Variants in KCNQ3 observed in about 807,000 individuals in gnomAD.
KCNQ3 encodes the protein potassium voltage-gated channel subfamily Q member 3.
KCNQ3 carries 30 observed loss-of-function variants against 92.5 expected under a neutral mutation model. The observed-to-expected ratio is 0.32, with a 90% CI of 0.24 to 0.44. KCNQ3 has a LOEUF of 0.44. Among genes scored for constraint, KCNQ3 ranks in the 20% least tolerant of loss-of-function variants. The probability of loss-of-function intolerance (pLI) is 1.00; values close to 1 mark genes in which losing one functional copy is unlikely to be tolerated. For missense variants in KCNQ3, 913 were observed against 1,140.3 expected, an observed-to-expected ratio of 0.80 and a Z score of 2.87; for synonymous variants, 450 against 468.8, an observed-to-expected ratio of 0.96 and a Z score of 0.52.
chr8:132,306,364 A>C (rs2130599190), intron 1 of KCNQ3, among the ~76,000 whole-genome samples: 1 of 152,326 alleles, frequency 6.6e-6, no homozygotes, highest in South Asian at 2.1e-4. Flanking sequence ...CCCTCTAAGA[A>C]AAACTTGGCC....
intron 1 of KCNQ3, among the ~76,000 whole-genome samples, chr8:132,357,594 A>T (rs1017092551): frequency 1.1e-4 from 16 of 152,130 alleles, no homozygotes; most frequent in African/African-American, 3.9e-4. Context: ...GAGATATGGG[A>T]TGAGCGCAGG....
chr8:132,276,520 GC>G (rs2130514067), intron 1 of KCNQ3, among the ~76,000 whole-genome samples: 1 of 152,210 alleles, frequency 6.6e-6, no homozygotes, highest in Non-Finnish European at 1.5e-5. Flanking sequence ...CTCATTACCT[GC>G]CCCCACCCCC....
rs1353846300 is a variant in KCNQ3, at chr8:132,323,229, G to A, written c.387-137048C>T. Among the ~76,000 whole-genome samples, 4 of 152,192 alleles carry A rather than the reference G, an allele frequency of 2.6e-5. No individual in the cohort carries two copies. The East Asian group carries it at 7.7e-4, about 29-fold the overall frequency. ...GATTATGATCACTTAAAGATGAGCA[G>A]AGGATGAGGAAGAGATCTCCTGACC... On this transcript the variant is annotated intron_variant, in intron 1 of 14. Coordinates refer to ENST00000388996, the MANE Select transcript of KCNQ3 (RefSeq NM_004519.4).
intron 1 of KCNQ3, among the ~76,000 whole-genome samples, chr8:132,376,834 A>G (rs1216108364): frequency 6.6e-6 from 1 of 152,226 alleles, no homozygotes; most frequent in African/African-American, 2.4e-5. Context: ...AAATCAGAAG[A>G]GGAACTGGAT....
intron 9 of KCNQ3, among the ~76,000 whole-genome samples, chr8:132,159,212 A>ATTAT (rs1825907229): frequency 6.6e-6 from 1 of 152,228 alleles, no homozygotes; most frequent in South Asian, 2.1e-4. Flanking sequence ...ATGCAATATT[A>ATTAT]TTATTAGGAA....
At chr8:132,367,717 A>G (rs1207718998) in intron 1 of KCNQ3, among the ~76,000 whole-genome samples, 1 of 152,188 alleles carries the variant, frequency 6.6e-6, no homozygotes, top group African/African-American at 2.4e-5. Context: ...CTTCTGGTAG[A>G]CCTAGTGCTG....
intron 1 of KCNQ3, among the ~76,000 whole-genome samples, chr8:132,275,172 C>G (rs1816284130): frequency 6.6e-6 from 1 of 151,934 alleles, no homozygotes; most frequent in African/African-American, 2.4e-5. Context: ...TGTTTACCTC[C>G]CCAGAGAATG....
chr8:132,195,872 T>C (rs1047056582), intron 1 of KCNQ3, among the ~76,000 whole-genome samples: 3 of 152,172 alleles, frequency 2.0e-5, no homozygotes, highest in Non-Finnish European at 2.9e-5. Flanking sequence ...GCTATAGTAA[T>C]ATTAGACTTT....
chr8:132,424,340 CA>C (rs1821050933), intron 1 of KCNQ3, among the ~76,000 whole-genome samples: 1 of 152,166 alleles, frequency 6.6e-6, no homozygotes, highest in African/African-American at 2.4e-5. Flanking sequence ...TTGACAATTC[CA>C]GTCTCAACAG....
intron 1 of KCNQ3, among the ~76,000 whole-genome samples, chr8:132,335,323 G>A (rs544176132): frequency 2.6e-5 from 4 of 152,286 alleles, no homozygotes; most frequent in Admixed American, 6.5e-5. Context: ...ACAGGTGTGA[G>A]TCACCGCGCC....
chr8:132,346,037 T>A (rs1212384825), intron 1 of KCNQ3, among the ~76,000 whole-genome samples: 1 of 151,894 alleles, frequency 6.6e-6, no homozygotes, highest in East Asian at 1.9e-4. Context: ...GATGAAAAGG[T>A]CATGATGGTG....
intron 1 of KCNQ3, among the ~76,000 whole-genome samples, chr8:132,194,800 TC>T (rs1373408881): frequency 1.3e-5 from 2 of 152,210 alleles, no homozygotes; most frequent in Non-Finnish European, 2.9e-5. Flanking sequence ...TATTCTTTCA[TC>T]TAACAGAAAG....
chr8:132,364,902 G>A (rs886282629), intron 1 of KCNQ3, among the ~76,000 whole-genome samples: 1 of 152,062 alleles, frequency 6.6e-6, no homozygotes, highest in Non-Finnish European at 1.5e-5. Flanking sequence ...TGTGAAGTAG[G>A]TACTATTATT....
At chr8:132,180,381 C>A (rs753427935) in intron 3 of KCNQ3, 52 bp from the exon 4 acceptor site, 7 of 1,599,060 alleles carry the variant, frequency 4.4e-6, no homozygotes, top group South Asian at 1.1e-5. Context: ...GAAGGTCATG[C>A]GAAAGCAATG....
intron 1 of KCNQ3, among the ~76,000 whole-genome samples, chr8:132,420,902 A>G (rs1156420675): frequency 1.3e-5 from 2 of 152,208 alleles, no homozygotes; most frequent in African/African-American, 2.4e-5. Flanking sequence ...AGCACATAGT[A>G]GAGATGTAGA....
At chr8:132,393,862 T>C (rs1820115275) in intron 1 of KCNQ3, among the ~76,000 whole-genome samples, 1 of 152,184 alleles carries the variant, frequency 6.6e-6, no homozygotes, top group African/African-American at 2.4e-5. Flanking sequence ...CCAGTCTTGT[T>C]GCATGCTCTA....
chr8:132,132,094 A>C, intron 14 of KCNQ3, 86 bp downstream of exon 14: 1 of 1,003,256 alleles, frequency 1.0e-6, no homozygotes, highest in Non-Finnish European at 1.6e-6. Context: ...TCTTAAAAAA[A>C]AAAAAGAAAG....
rs765545987 is a variant in KCNQ3 at position 132,180,190 on chromosome 8, C to T, written c.744G>A (p.Lys248=). ...LRMDRRGGTW[K]LLGSAICAHS... is the part of the protein sequence containing the mutation. ...GGGCACAGATGGCTGAGCCCAGAAG[C>T]TTCCAGGTGCCACCTCTCCGGTCCA... Residue 248 remains lysine (K), a synonymous_variant, in exon 4 of 15, where the codon AAG becomes AAA. Transcript: ENST00000388996. The T allele has an allele frequency of 3.7e-6, 6 of 1,614,072 alleles. No homozygotes were observed. The African/African-American group carries it at 4.0e-5, about 11-fold the overall frequency.
At chr8:132,383,401 G>A (rs1049537508) in intron 1 of KCNQ3, among the ~76,000 whole-genome samples, 5 of 152,224 alleles carry the variant, frequency 3.3e-5, no homozygotes, top group Non-Finnish European at 7.3e-5. Flanking sequence ...CTGCCAGCCT[G>A]CAGGGATCTG....
Sources: gnomAD v4.1 joint callset for allele counts (sites outside exome capture counted in the v4.1 genomes callset) on GRCh38, gnomAD v4.1.1 for gene constraint, MANE v1.5 for transcripts, NCBI Gene and HGNC (gene_info 2026-07-23, HGNC 2026-07-21) for gene names.